Variants in EPM2A observed in about 807,000 individuals in gnomAD.
The protein encoded by EPM2A is EPM2A glucan phosphatase, laforin.
In EPM2A, 21 loss-of-function variants were observed where a neutral mutation model predicts 26.5. The observed-to-expected ratio is 0.79, with a 90% CI of 0.56 to 1.14. EPM2A has a LOEUF of 1.14. Among genes scored for constraint, EPM2A ranks in the 50% most tolerant of loss-of-function variants. The pLI, the probability that EPM2A is intolerant of heterozygous loss-of-function variation, is 0.00. For synonymous variants in EPM2A, 217 were observed against 177.6 expected, an observed-to-expected ratio of 1.22 and a Z score of -1.76; for missense variants, 458 against 440.8, an observed-to-expected ratio of 1.04 and a Z score of -0.35.
At chr6:145,465,325 TC>T (rs1283185589) in intron 4 of EPM2A, among the ~76,000 whole-genome samples, 2 of 150,272 alleles carry the variant, frequency 1.3e-5, no homozygotes, top group Non-Finnish European at 3.0e-5. Flanking sequence ...CTCCATCAGC[TC>T]CTTTAAGCAC....
At chr6:145,474,443 CAG>C (rs566354355) in intron 4 of EPM2A, among the ~76,000 whole-genome samples, 9 of 152,196 alleles carry the variant, frequency 5.9e-5, no homozygotes, top group Non-Finnish European at 8.8e-5. Flanking sequence ...ACCTGGGTGA[CAG>C]AGAGAGACTC....
rs1191330078 is a variant in EPM2A, at chr6:145,564,001, T to TA, written c.341-61427dup. Among the ~76,000 whole-genome samples, 7 of 152,336 alleles carry TA rather than the reference T, an allele frequency of 4.6e-5. No homozygotes were observed. The East Asian group carries it at 1.3e-3, about 29-fold the overall frequency. ...TACACAATGGTGTAGTATTTGCATA[T>TA]AATCTATGCATATCCTATCATCTAC... On this transcript the variant is annotated intron_variant, in intron 2 of 3. Coordinates refer to the EPM2A transcript ENST00000450221.
intron 2 of EPM2A, among the ~76,000 whole-genome samples, chr6:145,562,736 GTCTT>G (rs1780825979): frequency 6.6e-6 from 1 of 152,026 alleles, no homozygotes; most frequent in African/African-American, 2.4e-5. Flanking sequence ...CTGCTTCGAA[GTCTT>G]TCTTAGAGTT....
intron 2 of EPM2A, chr6:145,670,934 G>A: frequency 1.0e-6 from 1 of 984,770 alleles, no homozygotes; most frequent in East Asian, 1.1e-4. Context: ...CAACAAAAAG[G>A]AGAAGCATGT....
intron 2 of EPM2A, among the ~76,000 whole-genome samples, chr6:145,519,709 CT>C (rs1484691672): frequency 1.3e-5 from 2 of 152,130 alleles, no homozygotes; most frequent in African/African-American, 4.8e-5. Flanking sequence ...ACCCTTCAGA[CT>C]TTTGAAGATT....
At chr6:145,508,106 A>G (rs1236167029) in intron 2 of EPM2A, among the ~76,000 whole-genome samples, 2 of 152,228 alleles carry the variant, frequency 1.3e-5, no homozygotes, top group African/African-American at 4.8e-5. Context: ...CAGCACCAAC[A>G]AAGCCTGGAA....
At chr6:145,403,383 C>G (rs1303792228) in intron 4 of EPM2A, among the ~76,000 whole-genome samples, 1 of 151,638 alleles carries the variant, frequency 6.6e-6, no homozygotes, top group East Asian at 1.9e-4. Flanking sequence ...TCCCACACCC[C>G]CTCCCCCCAA....
At chr6:145,450,246 G>A (rs1159588979) in intron 4 of EPM2A, among the ~76,000 whole-genome samples, 6 of 151,218 alleles carry the variant, frequency 4.0e-5, no homozygotes, top group South Asian at 2.1e-4. Context: ...TCAGCTACTC[G>A]GGAGGCTGAG....
intron 2 of EPM2A, among the ~76,000 whole-genome samples, chr6:145,606,762 G>A (rs963526549): frequency 4.6e-5 from 7 of 152,084 alleles, no homozygotes; most frequent in Non-Finnish European, 1.0e-4. Flanking sequence ...AACAACAGGA[G>A]AGACATACTT....
At chr6:145,610,513 C>G (rs989288117) in intron 2 of EPM2A, among the ~76,000 whole-genome samples, 1 of 152,196 alleles carries the variant, frequency 6.6e-6, no homozygotes, top group African/African-American at 2.4e-5. Context: ...TCATCCTAAG[C>G]TACTTTCTAT....
At chr6:145,468,638 G>T (rs910315145) in intron 4 of EPM2A, among the ~76,000 whole-genome samples, 1 of 144,708 alleles carries the variant, frequency 6.9e-6, no homozygotes, top group Admixed American at 7.0e-5. Context: ...AAATCAAAAA[G>T]ATTGAAGACT....
intron 2 of EPM2A, among the ~76,000 whole-genome samples, chr6:145,531,477 A>G (rs1780355007): frequency 6.6e-6 from 1 of 152,224 alleles, no homozygotes. Flanking sequence ...TCAGCTGTAG[A>G]AAAGCACTTT....
intron 4 of EPM2A, among the ~76,000 whole-genome samples, chr6:145,479,834 T>A (rs1582787698): frequency 1.3e-5 from 2 of 152,074 alleles, no homozygotes; most frequent in African/African-American, 4.8e-5. Context: ...GACCACCAAC[T>A]ATTTTCCATG....
Position 145,611,432 on chromosome 6 carries a change from C to T in EPM2A, c.340+23813G>A, listed in dbSNP as rs1390647971. ...TGATCAAATACCTTCCAAAGACAGC[C>T]ATCTCCACTTTCCACTCATCAGCTT... On this transcript the variant is annotated intron_variant, in intron 2 of 3. Coordinates refer to the EPM2A transcript ENST00000450221. 3.3e-5 allele frequency among the ~76,000 whole-genome samples: 5 copies of T among 151,974 alleles called. No individual in the cohort carries two copies. The East Asian group carries it at 5.8e-4, about 18-fold the overall frequency.
In EPM2A at chr6:145,666,095, A is replaced by C. The variant is rs562441747; in HGVS notation, c.476+20027T>G. ...CAAAAACTGGAAGCATTCCCTTTGA[A>C]AACTGGCACAAGACAGGGATGCCCT... On this transcript the variant is annotated intron_variant, in intron 2 of 3. Coordinates refer to ENST00000367519, the MANE Select transcript of EPM2A (RefSeq NM_005670.4). 7.7e-3 allele frequency among the ~76,000 whole-genome samples: 1,134 copies of C among 146,856 alleles called. 3 individuals are homozygous for C. The highest frequency in any genetic ancestry group is 0.012 in the Non-Finnish European group (826 of 67,040).
At chr6:145,384,378 A>AT in intron 4 of EPM2A, among the ~76,000 whole-genome samples, 1 of 149,286 alleles carries the variant, frequency 6.7e-6, no homozygotes, top group Admixed American at 6.8e-5. Flanking sequence ...ACACAGGGTT[A>AT]TTTTTTAGTG....
At chr6:145,690,120 G>A (rs1781179214) in intron 1 of EPM2A, among the ~76,000 whole-genome samples, 1 of 152,156 alleles carries the variant, frequency 6.6e-6, no homozygotes, top group Non-Finnish European at 1.5e-5. Flanking sequence ...GGTTATGAAT[G>A]GAAACAGTGT....
At chr6:145,629,628 G>A (rs1300463982) in intron 3 of EPM2A, 2 of 152,342 alleles carry the variant, frequency 1.3e-5, no homozygotes, top group African/African-American at 2.4e-5. Flanking sequence ...GTTCTGCTGA[G>A]GGTATGAGGG....
At chr6:145,489,632 A>C (rs1779728837) in intron 4 of EPM2A, 1 of 1,259,106 alleles carries the variant, frequency 7.9e-7, no homozygotes. Flanking sequence ...GTGTAATTTC[A>C]TTCTAAAACC....
Sources: gnomAD v4.1 joint callset for allele counts (sites outside exome capture counted in the v4.1 genomes callset) on GRCh38, gnomAD v4.1.1 for gene constraint, MANE v1.5 for transcripts, NCBI Gene and HGNC (gene_info 2026-07-23, HGNC 2026-07-21) for gene names.